ECHDC2: variants seen among roughly 807,000 people sequenced by gnomAD.
ECHDC2 encodes enoyl-CoA hydratase domain-containing protein 2, mitochondrial.
A neutral mutation model predicts 40.6 loss-of-function variants in ECHDC2; 34 were observed. The observed-to-expected ratio is 0.84, with a 90% CI of 0.64 to 1.11. ECHDC2 has a LOEUF of 1.11. Ranked by LOEUF, ECHDC2 falls within the 50% of genes most tolerant of loss-of-function variation. The pLI is 0.00. For missense variants in ECHDC2, 392 were observed against 400.7 expected (o/e 0.98, Z 0.19); for synonymous variants, 162 against 166.6 (o/e 0.97, Z 0.21).
chr1:52,912,189 T>G, intron 1 of ECHDC2: 1 of 363,300 alleles, frequency 2.8e-6, no homozygotes, highest in Non-Finnish European at 4.0e-6. Context: ...TTTTTATTTT[T>G]GGCGGGGGAG....
At chr1:52,918,293 G>A (rs1651145085) in intron 1 of ECHDC2, among the ~76,000 whole-genome samples, 1 of 151,768 alleles carries the variant, frequency 6.6e-6, no homozygotes, top group African/African-American at 2.4e-5. Context: ...TCAACGTGCT[G>A]GGATTACAAG....
intron 3 of ECHDC2, among the ~76,000 whole-genome samples, chr1:52,908,859 G>A (rs1225308106): frequency 1.4e-5 from 2 of 148,114 alleles, no homozygotes; most frequent in South Asian, 2.1e-4. Flanking sequence ...AGAATCGCGT[G>A]AGCCCAGGAG....
intron 3 of ECHDC2, among the ~76,000 whole-genome samples, 170 bp from the exon 4 acceptor site, chr1:52,908,124 G>A (rs946829662): frequency 2.6e-5 from 4 of 152,224 alleles, no homozygotes; most frequent in African/African-American, 4.8e-5. Flanking sequence ...ATCAAACAAG[G>A]AGGGTGTGAC....
At chr1:52,897,396 A>G (rs2150031490) in intron 9 of ECHDC2, 41 bp downstream of exon 9, 3 of 1,609,042 alleles carry the variant, frequency 1.9e-6, no homozygotes, top group African/African-American at 1.3e-5. Flanking sequence ...AGCCTGGCCC[A>G]GCCTATGTTA....
At chr1:52,902,951 T>C (rs1647081035) in intron 7 of ECHDC2, among the ~76,000 whole-genome samples, 1 of 152,204 alleles carries the variant, frequency 6.6e-6, no homozygotes, top group South Asian at 2.1e-4. Context: ...TACCTAGCAT[T>C]ATAGGCTAAG....
At chr1:52,906,652 G>A (rs1188861873) in intron 4 of ECHDC2, 41 bp from the exon 5 acceptor site, 2 of 1,535,846 alleles carry the variant, frequency 1.3e-6, no homozygotes, top group East Asian at 2.3e-5. Flanking sequence ...AAGCCCTGGT[G>A]GGACCAGGAC....
intron 5 of ECHDC2, chr1:52,905,579 T>A (rs1364864249): frequency 6.1e-6 from 1 of 163,198 alleles, no homozygotes; most frequent in Non-Finnish European, 1.3e-5. Flanking sequence ...TTGCCCTGAC[T>A]GTTCCAGTCC....
At chr1:52,911,373 A>T (rs1288151684) in intron 3 of ECHDC2, among the ~76,000 whole-genome samples, 193 bp downstream of exon 3, 4 of 152,202 alleles carry the variant, frequency 2.6e-5, no homozygotes, top group Admixed American at 6.5e-5. Flanking sequence ...CCAAGTTCAA[A>T]CTAAAGTCTA....
At chr1:52,915,848 C>T (rs1009819144) in intron 1 of ECHDC2, among the ~76,000 whole-genome samples, 3 of 152,122 alleles carry the variant, frequency 2.0e-5, no homozygotes, top group South Asian at 2.1e-4. Context: ...TTCTGTAATT[C>T]GGTTATAGTA....
chr1:52,903,950 T>A (rs1443123286), intron 7 of ECHDC2, among the ~76,000 whole-genome samples: 1 of 151,924 alleles, frequency 6.6e-6, no homozygotes. Context: ...CCTGAGTAGC[T>A]GGGATTACAG....
Position 52,915,806 on chromosome 1 carries a change from T to G in ECHDC2, c.122-4016A>C, listed in dbSNP as rs529553716. ...GGTTATACAATGTTACTCCTGAGATTAGGTTAAGTTATATGGTGAAGGTAA... is the reference window on the plus strand; with the variant it reads ...GGTTATACAATGTTACTCCTGAGATGAGGTTAAGTTATATGGTGAAGGTAA... On this transcript the variant is annotated intron_variant, in intron 1 of 9. Transcript: ENST00000371522. 2.0e-5 allele frequency among the ~76,000 whole-genome samples: 3 copies of G among 152,264 alleles called. No homozygotes were observed. The East Asian group carries it at 5.8e-4, about 29-fold the overall frequency.
At chr1:52,907,560 G>C (rs2150052252) in intron 4 of ECHDC2, 2 of 340,422 alleles carry the variant, frequency 5.9e-6, no homozygotes, top group African/African-American at 4.2e-5. Context: ...AACCAAGAAG[G>C]GGTATCTCAG....
chr1:52,907,986 AGGAAAATGGCACTTTAC>A, intron 3 of ECHDC2, 32 bp from the exon 4 acceptor site: 2 of 1,599,462 alleles, frequency 1.3e-6, no homozygotes, highest in Non-Finnish European at 1.7e-6. Flanking sequence ...ACCAGCCCTT[AGGAAAATGGCACTTTAC>A]GGAATCCCAG....
chr1:52,917,237 A>AG (rs1279337780), intron 1 of ECHDC2, among the ~76,000 whole-genome samples: 2 of 151,914 alleles, frequency 1.3e-5, no homozygotes, highest in Non-Finnish European at 2.9e-5. Context: ...AAAAAAAAAA[A>AG]AGAAACCACT....
intron 1 of ECHDC2, among the ~76,000 whole-genome samples, chr1:52,918,654 TTG>T (rs1285449929): frequency 2.0e-5 from 3 of 152,218 alleles, no homozygotes; most frequent in Non-Finnish European, 4.4e-5. Context: ...TACAATGTGT[TTG>T]TGTTTTAAGC....
rs200691425 is a variant in ECHDC2, at chr1:52,897,498, G to C, written c.754-14C>G. ...TGCAATGTCCACCTGCAAGAAAGACGTGCTCCCTGGATTGGTCTGACCTTG... is the reference window on the plus strand; with the variant it reads ...TGCAATGTCCACCTGCAAGAAAGACCTGCTCCCTGGATTGGTCTGACCTTG... On this transcript the variant is annotated splice_polypyrimidine_tract_variant and intron_variant, in intron 8 of 9. Transcript: ENST00000371522. 6.2e-7 allele frequency: 1 copy of C among 1,613,972 alleles called. No homozygotes were observed. The highest frequency in any genetic ancestry group is 1.3e-5 in the African/African-American group (1 of 74,908).
At chr1:52,906,167 G>T (rs540400835) in intron 5 of ECHDC2, 64 of 372,570 alleles carry the variant, frequency 1.7e-4, no homozygotes, top group African/African-American at 1.2e-3. Context: ...TATCCCTGAG[G>T]CTCACCTTTT....
In ECHDC2 at chr1:52,906,565, C is replaced by T. The variant is rs767888188; in HGVS notation, c.411G>A (p.Leu137=). ...PTIAAMDGFA[L]GGGLELALAC... is the part of the protein sequence containing the mutation. ...CCAGGGCAAGCTCTAGGCCTCCGCC[C>T]AAGGCAAACCCATCCATAGCCGCAA... Residue 137 remains leucine, a synonymous_variant, in exon 5 of 10, where the codon TTG becomes TTA. Transcript: ENST00000371522. The T allele has an allele frequency of 1.3e-5, 21 of 1,612,518 alleles. No homozygotes were observed. The highest frequency in any genetic ancestry group is 1.6e-4 in the Middle Eastern group (1 of 6,084).
In ECHDC2 at chr1:52,899,335, C is replaced by G. The variant is rs190399491; in HGVS notation, c.703-111G>C. On this transcript the variant is annotated intron_variant, in intron 7 of 9. Coordinates refer to ENST00000371522, the MANE Select transcript of ECHDC2 (RefSeq NM_001198961.2). ...GGGAGGCAGATGTCTGGGTCTGGTT[C>G]CAGCCATTCTGCTGACAGTTTCTTT... 64 of 983,656 alleles carry G rather than the reference C, an allele frequency of 6.5e-5. No individual in the cohort carries two copies. The Admixed American group carries it at 1.3e-3, about 20-fold the overall frequency. 60.9% of individuals were successfully genotyped at this position (983,656 alleles called of 1,614,324 possible). A position where few individuals can be genotyped will look rare whatever the true frequency, so the allele number is the denominator to read the frequency against.
Sources: allele counts gnomAD v4.1 joint callset (sites outside exome capture counted in the v4.1 genomes callset), GRCh38; gene constraint gnomAD v4.1.1; transcripts MANE v1.5; gene names NCBI Gene and HGNC (gene_info 2026-07-23, HGNC 2026-07-21).